Variants in FAM83G observed in about 807,000 individuals in gnomAD.
FAM83G encodes the protein protein FAM83G.
In FAM83G, 38 loss-of-function variants were observed where a neutral mutation model predicts 61.5. The ratio of observed to expected loss-of-function variants is 0.62; its 90% CI spans 0.48 to 0.81. The LOEUF is 0.81. Ranked by LOEUF, FAM83G falls within the 30% of genes least tolerant of loss-of-function variation. The pLI, the probability that FAM83G is intolerant of heterozygous loss-of-function variation, is 0.00. For synonymous variants in FAM83G, 470 were observed against 476.1 expected (o/e 0.99, Z 0.17); for missense variants, 989 against 1,133.6 (o/e 0.87, Z 1.83).
chr17:19,004,272 G>T lies in FAM83G; in HGVS notation c.-128-103C>A, dbSNP rs931248010. On this transcript the variant is annotated intron_variant, in intron 1 of 5. Transcript: ENST00000388995. This position sits in a 1 kb window ranked among gnomAD's most constrained non-coding sequence, Gnocchi z 5.4. ...GAACTCAGGTGGGCGTGGGAAGGAC[G>T]GGGCTGGGGCTGGGGCTGGGAAGAT... 7.8e-6 allele frequency: 4 copies of T among 515,194 alleles called. No homozygotes were observed. Among genetic ancestry groups the T allele is most frequent in the African/African-American group, 2.1e-5 (1 of 48,288 alleles). The allele number at this position is 515,194 out of a possible 1,614,324, so 31.9% of individuals were successfully genotyped here. A position where few individuals can be genotyped will look rare whatever the true frequency, so the allele number is the denominator to read the frequency against.
In FAM83G at chr17:18,978,648, C is replaced by T. The variant is rs375487977; in HGVS notation, c.1018G>A (p.Val340Met). 1.9e-6 allele frequency: 3 copies of T among 1,612,958 alleles called. No individual in the cohort carries two copies. Among genetic ancestry groups the T allele is most frequent in the Non-Finnish European group, 2.5e-6 (3 of 1,180,016 alleles). ...TTGGGGTTGACGAGCTTCTTGGCCA[C>T]AGTGCCCGCGGGCACCAGGGGGACC... ...SVVPLVPAGT[V>M]AKKLVNPKYA... The change falls in exon 5 of 6, where the codon GTG (valine) becomes ATG (methionine). Residue 340 changes from valine to methionine, a missense_variant. Physicochemically the swap from Val to Met is conservative, Grantham distance 21. Transcript: ENST00000388995.
At chr17:18,995,750 A>C (rs970423524) in intron 2 of FAM83G, among the ~76,000 whole-genome samples, 6 of 152,288 alleles carry the variant, frequency 3.9e-5, no homozygotes, top group African/African-American at 1.4e-4. Flanking sequence ...TCTACTAAAA[A>C]TACAAAAATT....
chr17:18,983,262 C>T (rs1040735441), intron 3 of FAM83G, among the ~76,000 whole-genome samples: 1 of 152,252 alleles, frequency 6.6e-6, no homozygotes, highest in Admixed American at 6.5e-5. Flanking sequence ...TAATTTCACC[C>T]TCACACAACC....
At chr17:18,987,441 CA>C (rs2043299338) in intron 3 of FAM83G, among the ~76,000 whole-genome samples, 1 of 152,240 alleles carries the variant, frequency 6.6e-6, no homozygotes, top group Admixed American at 6.5e-5. Flanking sequence ...CATCTGCTCT[CA>C]GGGAAATGCT....
intron 5 of FAM83G, among the ~76,000 whole-genome samples, chr17:18,972,692 C>T (rs1049442139): frequency 6.6e-6 from 1 of 152,094 alleles, no homozygotes; most frequent in Admixed American, 6.5e-5. Context: ...GAAACCCCGT[C>T]TCTACTAAAA....
Position 19,004,360 on chromosome 17 carries a change from G to A in FAM83G, c.-128-191C>T, listed in dbSNP as rs885675. The A allele has an allele frequency of 1.1e-5, 3 of 267,768 alleles. No individual in the cohort carries two copies. The highest frequency in any genetic ancestry group is 2.1e-5 in the Non-Finnish European group (3 of 143,762). 16.6% of individuals were successfully genotyped at this position (267,768 alleles called of 1,614,324 possible). ...GGGATCGGAACAGCGGTGAGGGAGC[G>A]GTGGGCCACGTCCCAGGGCTCAGCG... On this transcript the variant is annotated intron_variant, in intron 1 of 5. Coordinates refer to ENST00000388995, the MANE Select transcript of FAM83G (RefSeq NM_001039999.3). This position sits in a 1 kb window ranked among gnomAD's most constrained non-coding sequence, Gnocchi z 5.4.
intron 3 of FAM83G, among the ~76,000 whole-genome samples, chr17:18,985,026 G>A (rs1016402541): frequency 1.3e-5 from 2 of 152,224 alleles, no homozygotes; most frequent in African/African-American, 4.8e-5. Context: ...GCAGCGTTTC[G>A]AGAGTGTGTT....
In FAM83G at chr17:18,969,211, A is replaced by T. The variant is rs2042777161; in HGVS notation, c.*2148T>A. 1.9e-6 allele frequency: 3 copies of T among 1,593,622 alleles called. No individual in the cohort carries two copies. Among genetic ancestry groups the T allele is most frequent in the Non-Finnish European group, 1.7e-6 (2 of 1,166,798 alleles). ...CCAGGGGACGTGTAAAGGGGTCAGA[A>T]GGCCACCTCCCCCTACAGGCCCGAG... On this transcript the variant is annotated 3_prime_UTR_variant, in exon 6 of 6. Transcript: ENST00000388995.
At chr17:18,992,528 T>C (rs900204590) in intron 2 of FAM83G, among the ~76,000 whole-genome samples, 6 of 152,038 alleles carry the variant, frequency 3.9e-5, no homozygotes, top group African/African-American at 1.4e-4. Context: ...GCGTTGGGGG[T>C]GGGACAGGGC....
chr17:18,979,384 C>T (rs1414191278), intron 4 of FAM83G, 165 bp downstream of exon 4: 1 of 833,400 alleles, frequency 1.2e-6, no homozygotes, highest in Non-Finnish European at 1.8e-6. Context: ...CCTTCTCTGC[C>T]TGCCTCCAGA....
At chr17:18,973,666 G>A (rs1215194735) in intron 5 of FAM83G, among the ~76,000 whole-genome samples, 1 of 152,148 alleles carries the variant, frequency 6.6e-6, no homozygotes, top group Non-Finnish European at 1.5e-5. Flanking sequence ...AGTCAGAAGG[G>A]AGGTAGCAGT....
Position 19,003,414 on chromosome 17 carries a change from T to C in FAM83G, c.522+106A>G. On this transcript the variant is annotated intron_variant, in intron 2 of 5. Coordinates refer to ENST00000388995, the MANE Select transcript of FAM83G (RefSeq NM_001039999.3). The surrounding 1 kb of genome is among the most constrained non-coding windows in gnomAD (Gnocchi z 4.5). The stretch of plus-strand genomic sequence containing the variant: ...AGCCAGGGAAAACAGCAGAGATCCC[T>C]AGAAGCCCATGTTGGGCTCCCGTTT... 8.0e-7 allele frequency: 1 copy of C among 1,245,346 alleles called. No homozygotes were observed. Among genetic ancestry groups the C allele is most frequent in the Non-Finnish European group, 1.1e-6 (1 of 940,972 alleles). 77.1% of individuals were successfully genotyped at this position (1,245,346 alleles called of 1,614,324 possible). A position where few individuals can be genotyped will look rare whatever the true frequency, so the allele number is the denominator to read the frequency against.
chr17:18,984,056 G>A (rs1480235445), intron 3 of FAM83G, among the ~76,000 whole-genome samples: 1 of 152,174 alleles, frequency 6.6e-6, no homozygotes, highest in Non-Finnish European at 1.5e-5. Flanking sequence ...GAGAACCCCT[G>A]CCTTGGCCGG....
At chr17:18,984,071 G>A (rs1025187671) in intron 3 of FAM83G, among the ~76,000 whole-genome samples, 4 of 152,178 alleles carry the variant, frequency 2.6e-5, no homozygotes, top group African/African-American at 7.2e-5. Flanking sequence ...GGCCGGGCGC[G>A]GTGGCTCACG....
In FAM83G at chr17:18,969,345, G is replaced by A. The variant is rs1247876765; in HGVS notation, c.*2014C>T. The A allele has an allele frequency of 3.1e-6, 5 of 1,613,108 alleles. No homozygotes were observed. Among genetic ancestry groups the A allele is most frequent in the Non-Finnish European group, 4.2e-6 (5 of 1,179,906 alleles). ...GCAACCTTGCTTCCACTGGCAGGGG[G>A]CCTGGCTGCTGTAATCTACACGGAC... On this transcript the variant is annotated 3_prime_UTR_variant, in exon 6 of 6. Coordinates refer to ENST00000388995, the MANE Select transcript of FAM83G (RefSeq NM_001039999.3).
At chr17:18,984,113 C>A (rs140712039) in intron 3 of FAM83G, among the ~76,000 whole-genome samples, 11 of 152,094 alleles carry the variant, frequency 7.2e-5, no homozygotes, top group Admixed American at 6.5e-4. Context: ...GAGGCCGAGG[C>A]GGGCGGATCA....
At chr17:18,979,281 C>G in intron 4 of FAM83G, 1 of 512,864 alleles carries the variant, frequency 1.9e-6, no homozygotes, top group East Asian at 3.5e-5. Flanking sequence ...CTCAGAGTGA[C>G]CCCCATAGGC....
chr17:18,986,329 T>C (rs575679563), intron 3 of FAM83G: 9 of 152,358 alleles, frequency 5.9e-5, no homozygotes, highest in African/African-American at 1.4e-4. Flanking sequence ...AGTTCATCCT[T>C]TGATGCTCTG....
At chr17:18,981,487 G>A (rs540037776) in intron 3 of FAM83G, among the ~76,000 whole-genome samples, 94 of 152,262 alleles carry the variant, frequency 6.2e-4, no homozygotes, top group Non-Finnish European at 7.8e-4. Flanking sequence ...AGCAGTGCTG[G>A]CATCAGGCAG....
Sources: gnomAD v4.1 joint callset for allele counts (sites outside exome capture counted in the v4.1 genomes callset) on GRCh38, gnomAD v4.1.1 for gene constraint, Gnocchi (gnomAD v3.1) non-coding constraint, MANE v1.5 for transcripts, NCBI Gene and HGNC (gene_info 2026-07-23, HGNC 2026-07-21) for gene names.